Variants in EML1 observed in about 807,000 individuals in gnomAD.
EML1 encodes EMAP like 1, also known as echinoderm microtubule-associated protein-like 1.
A neutral mutation model predicts 110.4 loss-of-function variants in EML1; 27 were observed. The ratio of observed to expected loss-of-function variants is 0.24; its 90% CI spans 0.18 to 0.34. EML1 has a LOEUF of 0.34. Among genes scored for constraint, EML1 ranks in the 10% least tolerant of loss-of-function variants. The probability of loss-of-function intolerance (pLI) is 1.00; values close to 1 mark genes in which losing one functional copy is unlikely to be tolerated. For missense variants in EML1, 741 were observed against 1,030.9 expected (o/e 0.72, Z 3.85); for synonymous variants, 344 against 385.8 (o/e 0.89, Z 1.27).
At chr14:99,871,019 C>T (rs181220485) in intron 3 of EML1, among the ~76,000 whole-genome samples, 305 of 152,038 alleles carry the variant, frequency 2.0e-3, no homozygotes, top group African/African-American at 6.7e-3. Flanking sequence ...TGCAGTGGCG[C>T]GATTTTGGCT....
intron 15 of EML1, among the ~76,000 whole-genome samples, chr14:99,916,309 A>G (rs1051944640): frequency 6.6e-6 from 1 of 152,240 alleles, no homozygotes; most frequent in Non-Finnish European, 1.5e-5. Flanking sequence ...GTAAAGCTTC[A>G]AGTGAACACG....
intron 15 of EML1, among the ~76,000 whole-genome samples, chr14:99,915,660 C>G (rs1439518252): frequency 6.6e-6 from 1 of 151,948 alleles, no homozygotes; most frequent in Non-Finnish European, 1.5e-5. Context: ...AATAACTTGC[C>G]AAGGTCACTA....
At chr14:99,831,608 C>A (rs182956364) in intron 1 of EML1, among the ~76,000 whole-genome samples, 1 of 152,096 alleles carries the variant, frequency 6.6e-6, no homozygotes, top group Non-Finnish European at 1.5e-5. Context: ...TGGAATACAA[C>A]TATTTTCTCT....
intron 1 of EML1, among the ~76,000 whole-genome samples, chr14:99,741,670 G>A (rs1304929827): frequency 6.6e-6 from 1 of 151,820 alleles, no homozygotes; most frequent in Non-Finnish European, 1.5e-5. Context: ...CCAGGGACCA[G>A]GGCAGCGTCC....
At position 99,936,931 on chromosome 14, in the gene EML1, G is replaced by T. The variant is rs934566339; in HGVS notation, c.2095+597G>T. ...TGCCACGTGCCCCACTCTGGGCCAC[G>T]CAGGGCGGCGCGTGGGCACAAGGAA... On this transcript the variant is annotated intron_variant, in intron 19 of 21. Coordinates refer to ENST00000262233, the MANE Select transcript of EML1 (RefSeq NM_004434.3). This position sits in a 1 kb window ranked among gnomAD's most constrained non-coding sequence, Gnocchi z 5.5. 6.6e-6 allele frequency among the ~76,000 whole-genome samples: 1 copy of T among 152,234 alleles called. No individual in the cohort carries two copies. Among genetic ancestry groups the T allele is most frequent in the Non-Finnish European group, 1.5e-5 (1 of 68,030 alleles).
At chr14:99,863,158 A>G (rs2059030252) in intron 2 of EML1, among the ~76,000 whole-genome samples, 1 of 152,192 alleles carries the variant, frequency 6.6e-6, no homozygotes, top group East Asian at 1.9e-4. Context: ...GTGGTTTCAG[A>G]ATTGTTAGCC....
At chr14:99,864,133 GTCT>G (rs1337515205) in intron 2 of EML1, among the ~76,000 whole-genome samples, 1 of 152,160 alleles carries the variant, frequency 6.6e-6, no homozygotes, top group African/African-American at 2.4e-5. Context: ...ATCTGTATAT[GTCT>G]TCTTTGGTGA....
At chr14:99,921,078 C>A (rs997945619) in intron 17 of EML1, among the ~76,000 whole-genome samples, 3 of 152,088 alleles carry the variant, frequency 2.0e-5, no homozygotes, top group Admixed American at 2.0e-4. Flanking sequence ...CCCCCTCGCC[C>A]CCCTCCAACA....
intron 17 of EML1, among the ~76,000 whole-genome samples, chr14:99,928,699 T>G (rs2060312829): frequency 6.6e-6 from 1 of 152,194 alleles, no homozygotes; most frequent in Non-Finnish European, 1.5e-5. Flanking sequence ...ATAACCTTAT[T>G]GACAGCGTCA....
In EML1 at chr14:99,784,029, C is replaced by G. The variant is rs1032097567; in HGVS notation, c.-27+10016C>G. 3.3e-5 allele frequency among the ~76,000 whole-genome samples: 5 copies of G among 152,180 alleles called. No homozygotes were observed. Among genetic ancestry groups the G allele is most frequent in the African/African-American group, 1.2e-4 (5 of 41,452 alleles). ...CATTTGCAATCTACTGCGGTGCCCG[C>G]ACTATTGCATGAATTAGAGACAATC... On this transcript the variant is annotated intron_variant, in intron 1 of 22. Coordinates refer to the EML1 transcript ENST00000327921. The surrounding 1 kb of genome is among the most constrained non-coding windows in gnomAD (Gnocchi z 4.5).
intron 1 of EML1, among the ~76,000 whole-genome samples, chr14:99,788,276 C>T (rs1345234309): frequency 1.3e-5 from 2 of 152,140 alleles, no homozygotes; most frequent in East Asian, 3.9e-4. Flanking sequence ...CCAAATGTCT[C>T]TTAGATTGTG....
At chr14:99,749,926 G>C (rs549672252) in intron 1 of EML1, among the ~76,000 whole-genome samples, 46 of 152,256 alleles carry the variant, frequency 3.0e-4, no homozygotes, top group Admixed American at 1.6e-3. Context: ...CCGATGGGGT[G>C]ACATCGTGCT....
At chr14:99,816,775 T>C (rs966185225) in intron 1 of EML1, among the ~76,000 whole-genome samples, 17 of 152,226 alleles carry the variant, frequency 1.1e-4, no homozygotes, top group African/African-American at 4.1e-4. Flanking sequence ...GAGGAGTCCA[T>C]TTGGATGGAG....
chr14:99,769,280 C>T (rs61633677), upstream of EML1, among the ~76,000 whole-genome samples: 3 of 152,280 alleles, frequency 2.0e-5, no homozygotes, highest in Non-Finnish European at 2.9e-5. Context: ...GCTGAGCACT[C>T]GGGGAGCTGG....
chr14:99,770,941 C>G (rs377127653), upstream of EML1, among the ~76,000 whole-genome samples: 2 of 151,924 alleles, frequency 1.3e-5, no homozygotes, highest in South Asian at 4.1e-4. Context: ...CCCGCCACTA[C>G]GCCCAGCTAA....
intron 1 of EML1, among the ~76,000 whole-genome samples, chr14:99,818,224 G>C (rs1374954138): frequency 2.0e-5 from 3 of 152,250 alleles, no homozygotes; most frequent in South Asian, 4.2e-4. Flanking sequence ...GATCAAATCT[G>C]CACTTTGGAA....
intron 1 of EML1, among the ~76,000 whole-genome samples, chr14:99,832,906 TTTTA>T (rs1216177730): frequency 6.6e-6 from 1 of 152,186 alleles, no homozygotes; most frequent in Admixed American, 6.5e-5. Context: ...TAATTTCAAC[TTTTA>T]TTTTAGATTC....
At chr14:99,800,974 C>T (rs2139683084) in intron 1 of EML1, among the ~76,000 whole-genome samples, 1 of 152,292 alleles carries the variant, frequency 6.6e-6, no homozygotes, top group African/African-American at 2.4e-5. Context: ...CCTGCCGAGG[C>T]CCTGCTGTCA....
At chr14:99,864,805 C>CAAAAAAAA (rs67480916) in intron 2 of EML1, among the ~76,000 whole-genome samples, 2 of 99,050 alleles carry the variant, frequency 2.0e-5, no homozygotes, top group African/African-American at 7.7e-5. Context: ...AACTCTGTCT[C>CAAAAAAAA]AAAAAAAAAA....
Sources: allele counts gnomAD v4.1 joint callset (sites outside exome capture counted in the v4.1 genomes callset), GRCh38; gene constraint gnomAD v4.1.1; non-coding constraint Gnocchi (gnomAD v3.1); transcripts MANE v1.5; gene names NCBI Gene and HGNC (gene_info 2026-07-23, HGNC 2026-07-21).